NTM: variants seen among roughly 807,000 people sequenced by gnomAD.
NTM encodes IgLON family member 2.
Under a neutral mutation model 42.1 loss-of-function variants are expected in NTM, and 13 were observed. The observed-to-expected ratio is 0.31, with a 90% CI of 0.20 to 0.49. The LOEUF (loss-of-function observed/expected upper bound fraction) is 0.49. Ranked by LOEUF, NTM falls within the 20% of genes least tolerant of loss-of-function variation. NTM has a pLI of 0.99. For synonymous variants in NTM, 187 were observed against 179.2 expected (o/e 1.04, Z -0.35); for missense variants, 373 against 452.8 (o/e 0.82, Z 1.60).
chr11:131,709,243 C>T (rs2076878614), intron 1 of NTM, among the ~76,000 whole-genome samples: 1 of 152,042 alleles, frequency 6.6e-6, no homozygotes, highest in African/African-American at 2.4e-5. Flanking sequence ...GAAACTTCTG[C>T]TTTTACTCTA....
At chr11:132,143,056 G>A (rs2069530762) in intron 2 of NTM, among the ~76,000 whole-genome samples, 1 of 152,164 alleles carries the variant, frequency 6.6e-6, no homozygotes. Context: ...GATTTCAGCT[G>A]CTGGGGAAGA....
In NTM at chr11:131,995,527, A is replaced by G. The variant is rs75080570; in HGVS notation, c.167+83879A>G. Among the ~76,000 whole-genome samples, 930 of 152,192 alleles carry G rather than the reference A, an allele frequency of 6.1e-3. 15 individuals are homozygous for G. The highest frequency in any genetic ancestry group is 0.021 in the African/African-American group (877 of 41,542). ...TCAAGAATGAGGAGTCAGCCAGGCA[A>G]AGTTGTAGGGGAGCAGGGCATGTGC... On this transcript the variant is annotated intron_variant, in intron 2 of 8. Transcript: ENST00000683400.
chr11:131,450,435 C>T (rs1348833312), intron 1 of NTM, among the ~76,000 whole-genome samples: 1 of 152,182 alleles, frequency 6.6e-6, no homozygotes, highest in Non-Finnish European at 1.5e-5. Flanking sequence ...CCCATTCCGC[C>T]TGGGACCCTT....
chr11:132,023,810 TTTGTTGTTGTTG>T (rs137975664), intron 2 of NTM, among the ~76,000 whole-genome samples: 19 of 145,438 alleles, frequency 1.3e-4, no homozygotes, highest in African/African-American at 4.6e-4. Flanking sequence ...TGGTGGTGGT[TTTGTTGTTGTTG>T]TTGTTGTTGT....
At chr11:131,583,587 G>A (rs1281682070) in intron 1 of NTM, among the ~76,000 whole-genome samples, 1 of 152,124 alleles carries the variant, frequency 6.6e-6, no homozygotes. Context: ...TGTGTTCAAA[G>A]AGCATTCTTT....
chr11:132,114,344 C>T (rs1461873446), intron 2 of NTM, among the ~76,000 whole-genome samples: 1 of 152,194 alleles, frequency 6.6e-6, no homozygotes, highest in Non-Finnish European at 1.5e-5. Context: ...CCCTGCGACC[C>T]AGTGTCCTCC....
chr11:131,562,026 CTATTTTT>C (rs1466759373), intron 1 of NTM, among the ~76,000 whole-genome samples: 2 of 152,176 alleles, frequency 1.3e-5, no homozygotes, highest in Non-Finnish European at 2.9e-5. Context: ...TCTGTTATTA[CTATTTTT>C]TATTTTTTAG....
chr11:132,197,292 A>T (rs1003734642), intron 3 of NTM, among the ~76,000 whole-genome samples: 6 of 152,152 alleles, frequency 3.9e-5, no homozygotes, highest in Non-Finnish European at 8.8e-5. Flanking sequence ...ATTTGGTAAG[A>T]TGTACCTCCT....
chr11:131,686,220 G>C (rs528113146), intron 1 of NTM, among the ~76,000 whole-genome samples: 1 of 152,320 alleles, frequency 6.6e-6, no homozygotes, highest in South Asian at 2.1e-4. Flanking sequence ...GTGGTTGGGG[G>C]TGCCGACCCC....
At chr11:131,621,717 G>A (rs570672576) in intron 1 of NTM, among the ~76,000 whole-genome samples, 1 of 149,822 alleles carries the variant, frequency 6.7e-6, no homozygotes. Context: ...AGCTACTGAA[G>A]AGGCTGAGGT....
chr11:131,481,328 A>G (rs576270657), intron 1 of NTM, among the ~76,000 whole-genome samples: 1 of 152,246 alleles, frequency 6.6e-6, no homozygotes, highest in Non-Finnish European at 1.5e-5. Flanking sequence ...TGTGGCTCCC[A>G]TCTCCACAAT....
chr11:131,380,962 T>C (rs1363891230), intron 1 of NTM, among the ~76,000 whole-genome samples: 1 of 152,246 alleles, frequency 6.6e-6, no homozygotes, highest in African/African-American at 2.4e-5. Flanking sequence ...CTAAATCTTT[T>C]TTCCCGTATA....
At chr11:132,289,834 G>A (rs2094393955) in intron 4 of NTM, among the ~76,000 whole-genome samples, 1 of 152,294 alleles carries the variant, frequency 6.6e-6, no homozygotes, top group East Asian at 1.9e-4. Flanking sequence ...GGGAAGGAAA[G>A]AAAGTGGACT....
At chr11:131,794,767 C>T (rs2091357569) in intron 1 of NTM, 3 of 985,274 alleles carry the variant, frequency 3.0e-6, no homozygotes, top group Non-Finnish European at 3.6e-6. Flanking sequence ...GAGCTCCACA[C>T]ACCATGTGAA....
At chr11:132,019,270 C>CT (rs34582872) in intron 2 of NTM, among the ~76,000 whole-genome samples, 41 of 151,460 alleles carry the variant, frequency 2.7e-4, no homozygotes, top group African/African-American at 9.7e-4. Context: ...GATCTTTTGC[C>CT]TTTTTTTAAC....
At chr11:131,892,562 G>T (rs1249750474) in intron 1 of NTM, among the ~76,000 whole-genome samples, 4 of 152,212 alleles carry the variant, frequency 2.6e-5, no homozygotes, top group African/African-American at 9.6e-5. Context: ...GATGTGGGGT[G>T]CCCCCAGTGC....
At chr11:131,495,624 G>C (rs1444961972) in intron 1 of NTM, among the ~76,000 whole-genome samples, 1 of 151,934 alleles carries the variant, frequency 6.6e-6, no homozygotes, top group Admixed American at 6.7e-5. Context: ...ATGTGCTGCA[G>C]CCTGGGAGTG....
intron 2 of NTM, among the ~76,000 whole-genome samples, chr11:132,081,707 G>C (rs2059078286): frequency 6.7e-6 from 1 of 149,106 alleles, no homozygotes; most frequent in East Asian, 2.0e-4. Flanking sequence ...CTGGGCGATA[G>C]AGCGAGACTC....
chr11:131,971,708 CAGCT>C, intron 2 of NTM, among the ~76,000 whole-genome samples: 1 of 150,294 alleles, frequency 6.7e-6, no homozygotes, highest in East Asian at 2.0e-4. Context: ...ATGACCATCT[CAGCT>C]TGAGCAACAT....
Sources: gnomAD v4.1 joint callset for allele counts (sites outside exome capture counted in the v4.1 genomes callset) on GRCh38, gnomAD v4.1.1 for gene constraint, MANE v1.5 for transcripts, NCBI Gene and HGNC (gene_info 2026-07-23, HGNC 2026-07-21) for gene names.